The following LMCD1 variants were observed in gnomAD, a reference collection of about 807,000 sequenced individuals.
The protein encoded by LMCD1 is LIM and cysteine rich domains 1, also known as LIM and cysteine-rich domains protein 1.
In LMCD1, 32 loss-of-function variants were observed where a neutral mutation model predicts 42.7. That is an observed-to-expected ratio of 0.75 (90% CI 0.57 to 1.01). LMCD1 has a LOEUF of 1.01. LMCD1 is among the 50% of genes least tolerant of loss of function. LMCD1 has a pLI of 0.00. For missense variants in LMCD1, 458 were observed against 483.1 expected (o/e 0.95, Z 0.49); for synonymous variants, 178 against 184.9 (o/e 0.96, Z 0.30).
intron 1 of LMCD1, among the ~76,000 whole-genome samples, chr3:8,529,288 C>T (rs75021174): frequency 6.6e-6 from 1 of 152,290 alleles, no homozygotes; most frequent in Non-Finnish European, 1.5e-5. Context: ...AACAGTCAGC[C>T]AGGAAACTAG....
In LMCD1 at chr3:8,565,591, T is replaced by C. The variant is rs542821648; in HGVS notation, c.883T>C (p.Trp295Arg). 2 of 1,608,886 alleles carry C rather than the reference T, an allele frequency of 1.2e-6. No homozygotes were observed. The highest frequency in any genetic ancestry group is 1.7e-6 in the Non-Finnish European group (2 of 1,178,216). The change falls in exon 5 of 6, where the codon TGG becomes CGG. Residue 295 changes from tryptophan (W) to arginine (R), a missense_variant. Coordinates refer to ENST00000157600, the MANE Select transcript of LMCD1 (RefSeq NM_014583.4). ...CTACTTCTGGAAGGATGGTGCACCC[T>C]GGTGCGGCCGCCATTACTGCGAGAG... ...LIYFWKDGAPWCGRHYCESLR... is the reference protein window; with the variant it reads ...LIYFWKDGAPRCGRHYCESLR...
At chr3:8,547,437 G>A (rs1401530438) in intron 3 of LMCD1, among the ~76,000 whole-genome samples, 5 of 152,192 alleles carry the variant, frequency 3.3e-5, no homozygotes, top group Admixed American at 6.5e-5. Flanking sequence ...TGTCTGGAAC[G>A]ATAAACACAA....
intron 3 of LMCD1, among the ~76,000 whole-genome samples, chr3:8,543,763 G>A (rs766251508): frequency 1.8e-4 from 28 of 152,310 alleles, no homozygotes; most frequent in Non-Finnish European, 3.1e-4. Context: ...ACCGCTCCTG[G>A]CTTAAAGTGC....
chr3:8,522,611 T>G (rs1298237610), intron 1 of LMCD1, among the ~76,000 whole-genome samples: 1 of 152,168 alleles, frequency 6.6e-6, no homozygotes, highest in African/African-American at 2.4e-5. Flanking sequence ...TGGGCTTCTG[T>G]GAATTTATTC....
chr3:8,571,275 C>G lies in LMCD1; in HGVS notation c.*3677C>G, dbSNP rs577629395. ...AACTTCTAAAGAATAATCGTATTAT[C>G]TTTATTTCCCCAACTCTTAGTACAA... On this transcript the variant is annotated 3_prime_UTR_variant, in exon 6 of 6. Coordinates refer to ENST00000157600, the MANE Select transcript of LMCD1 (RefSeq NM_014583.4). 26 of 152,272 alleles carry G rather than the reference C, an allele frequency of 1.7e-4. No homozygotes were observed. The highest frequency in any genetic ancestry group is 1.6e-3 in the Admixed American group (25 of 15,300). The allele number at this position is 152,272 out of a possible 1,614,324, so 9.4% of individuals were successfully genotyped here.
chr3:8,505,823 A>G (rs1693868483), intron 1 of LMCD1, among the ~76,000 whole-genome samples: 1 of 151,980 alleles, frequency 6.6e-6, no homozygotes, highest in African/African-American at 2.4e-5. Context: ...TTTCACCTCC[A>G]CTTCCTGCAG....
intron 1 of LMCD1, among the ~76,000 whole-genome samples, chr3:8,532,264 A>C (rs1325430544): frequency 6.6e-6 from 1 of 152,250 alleles, no homozygotes; most frequent in Non-Finnish European, 1.5e-5. Context: ...GCTTCAAGCT[A>C]TAAACATTTG....
chr3:8,551,087 G>A (rs964045946), intron 4 of LMCD1: 57 of 985,292 alleles, frequency 5.8e-5, no homozygotes, highest in Non-Finnish European at 6.5e-5. Context: ...GCCTTTATTG[G>A]TTGGGCTAGG....
At chr3:8,553,997 G>A (rs572462364) in intron 4 of LMCD1, among the ~76,000 whole-genome samples, 3 of 152,314 alleles carry the variant, frequency 2.0e-5, no homozygotes, top group Non-Finnish European at 4.4e-5. Context: ...AGGGAAGAAA[G>A]GGGAAACTGT....
chr3:8,544,815 T>C (rs1164238114), intron 3 of LMCD1, among the ~76,000 whole-genome samples: 1 of 152,144 alleles, frequency 6.6e-6, no homozygotes, highest in African/African-American at 2.4e-5. Context: ...ACCTCAGTGA[T>C]AGGAATCAGG....
chr3:8,543,547 A>G (rs1407126803), intron 3 of LMCD1, among the ~76,000 whole-genome samples: 3 of 152,308 alleles, frequency 2.0e-5, no homozygotes, highest in Admixed American at 1.3e-4. Flanking sequence ...CAGTGGTGTG[A>G]TCACAGCTCA....
chr3:8,507,099 A>G (rs1693898668), intron 1 of LMCD1, among the ~76,000 whole-genome samples: 3 of 152,240 alleles, frequency 2.0e-5, no homozygotes, highest in African/African-American at 7.2e-5. Context: ...CTGTCTCACC[A>G]GGTGCAGGGC....
At chr3:8,519,973 C>A (rs1694172813) in intron 1 of LMCD1, among the ~76,000 whole-genome samples, 1 of 151,826 alleles carries the variant, frequency 6.6e-6, no homozygotes, top group Non-Finnish European at 1.5e-5. Flanking sequence ...TAATAGTTAA[C>A]CCAGGAATTT....
At chr3:8,553,769 C>A (rs997006315) in intron 4 of LMCD1, among the ~76,000 whole-genome samples, 1 of 152,186 alleles carries the variant, frequency 6.6e-6, no homozygotes, top group African/African-American at 2.4e-5. Context: ...GAAGGTCCTC[C>A]GGCCACCAAG....
chr3:8,539,731 G>A (rs563780353), intron 3 of LMCD1, among the ~76,000 whole-genome samples: 37 of 151,858 alleles, frequency 2.4e-4, no homozygotes, highest in Admixed American at 3.9e-4. Context: ...TCATCTGGGC[G>A]TCCAGGGCAA....
In LMCD1 at chr3:8,561,511, G is replaced by A. The variant is rs930540970; in HGVS notation, c.724-3921G>A. 5.3e-5 allele frequency among the ~76,000 whole-genome samples: 8 copies of A among 152,136 alleles called. No homozygotes were observed. The East Asian group carries it at 9.7e-4, about 18-fold the overall frequency. ...CAGTCTTCATTCTCATGGGGCTTGC[G>A]AGAACAGACAGTGGCTGGGTTTGGC... On this transcript the variant is annotated intron_variant, in intron 4 of 5. Coordinates refer to ENST00000157600, the MANE Select transcript of LMCD1 (RefSeq NM_014583.4).
chr3:8,520,936 G>A (rs1003481818), intron 1 of LMCD1, among the ~76,000 whole-genome samples: 1 of 152,158 alleles, frequency 6.6e-6, no homozygotes, highest in Non-Finnish European at 1.5e-5. Flanking sequence ...CTAGAAACGT[G>A]GACAATTCTG....
intron 3 of LMCD1, among the ~76,000 whole-genome samples, chr3:8,541,969 G>A (rs896200695): frequency 1.3e-5 from 2 of 148,496 alleles, no homozygotes; most frequent in African/African-American, 2.5e-5. Flanking sequence ...TGGATGCAGT[G>A]GCATTGACCA....
intron 1 of LMCD1, among the ~76,000 whole-genome samples, chr3:8,507,086 C>T (rs1693898434): frequency 6.6e-6 from 1 of 152,224 alleles, no homozygotes; most frequent in Non-Finnish European, 1.5e-5. Flanking sequence ...CCAGCAGCTG[C>T]TACTGTCTCA....
Sources: allele counts gnomAD v4.1 joint callset (sites outside exome capture counted in the v4.1 genomes callset), GRCh38; gene constraint gnomAD v4.1.1; transcripts MANE v1.5; gene names NCBI Gene and HGNC (gene_info 2026-07-23, HGNC 2026-07-21).